The following CFAP47 variants were observed in gnomAD, a reference collection of about 807,000 sequenced individuals.
CFAP47 encodes the protein cilia and flagella associated protein 47.
In CFAP47, 29 loss-of-function variants were observed where a neutral mutation model predicts 148.1. The ratio of observed to expected loss-of-function variants is 0.20; its 90% CI spans 0.15 to 0.27. The LOEUF is 0.27. Among genes scored for constraint, CFAP47 ranks in the 10% least tolerant of loss-of-function variants. CFAP47 has a pLI of 1.00. For missense variants in CFAP47, 1,872 were observed against 1,697.5 expected, an observed-to-expected ratio of 1.10 and a Z score of -1.81; for synonymous variants, 664 against 577.3, an observed-to-expected ratio of 1.15 and a Z score of -2.15.
chrX:36,166,429 A>C (rs946686604), intron 39 of CFAP47, among the ~76,000 whole-genome samples: 4 of 110,985 alleles, frequency 3.6e-5, no homozygotes, highest in Non-Finnish European at 7.6e-5. Flanking sequence ...TCCATCTCCA[A>C]AATTTCCATT....
intron 22 of CFAP47, among the ~76,000 whole-genome samples, chrX:36,027,097 T>C (rs767301378): frequency 9.7e-6 from 1 of 102,882 alleles, no homozygotes; most frequent in East Asian, 3.1e-4. Context: ...TATATATATA[T>C]GATTATATAT....
At chrX:36,300,980 C>G in intron 52 of CFAP47, 92 bp from the exon 53 acceptor site, 1 of 473,719 alleles carries the variant, frequency 2.1e-6, no homozygotes, top group Non-Finnish European at 3.7e-6. Flanking sequence ...TTAAAACCAA[C>G]TATTTATACT....
intron 39 of CFAP47, among the ~76,000 whole-genome samples, chrX:36,162,505 T>C (rs1939443034): frequency 8.9e-6 from 1 of 111,799 alleles, no homozygotes; most frequent in Non-Finnish European, 1.9e-5. Context: ...ATGATTGACT[T>C]GGTTATTATT....
intron 25 of CFAP47, among the ~76,000 whole-genome samples, chrX:36,046,544 T>C (rs1601946575): frequency 1.8e-5 from 2 of 111,200 alleles, no homozygotes; most frequent in African/African-American, 6.5e-5. Flanking sequence ...CAGAATACAT[T>C]TAAAAACAGT....
In CFAP47 at chrX:36,367,018, C is replaced by T. The variant is rs188179973; in HGVS notation, c.9076C>T (p.Pro3026Ser). 142 of 1,153,163 alleles carry T rather than the reference C, an allele frequency of 1.2e-4. 1 individual carries two copies. The Middle Eastern group carries it at 1.4e-3, about 11-fold the overall frequency. The change falls in exon 62 of 64, where the codon CCC becomes TCC. Residue 3026 changes from proline to serine, a missense_variant. Transcript: ENST00000378653. The part of the protein sequence containing the change: ...ECVTEGIWKF[P>S]IMLIATEPDT... Reference sequence around the variant, plus strand: ...CGTAACAGAAGGGATCTGGAAGTTTCCCATAATGTTGATCGCTACTGAACC... The same window carrying T: ...CGTAACAGAAGGGATCTGGAAGTTTTCCATAATGTTGATCGCTACTGAACC...
intron 15 of CFAP47, among the ~76,000 whole-genome samples, chrX:35,984,620 T>C (rs1936690072): frequency 8.9e-6 from 1 of 111,813 alleles, no homozygotes; most frequent in African/African-American, 3.2e-5. Context: ...AATACTGTAT[T>C]AGCTGTGTCC....
chrX:36,001,569 AT>A (rs1936915287), intron 20 of CFAP47, 43 bp from the exon 21 acceptor site: 2 of 289,075 alleles, frequency 6.9e-6, no homozygotes, highest in Middle Eastern at 9.3e-4. Context: ...TTAGAAATTG[AT>A]TTTTGATTGT....
rs188921293 is a variant in CFAP47, at chrX:36,257,223, G to T, written c.7444+5779G>T. Among the ~76,000 whole-genome samples the T allele has an allele frequency of 4.5e-5, 5 of 111,226 alleles. No individual in the cohort carries two copies. The East Asian group carries it at 1.4e-3, about 32-fold the overall frequency. On this transcript the variant is annotated intron_variant, in intron 49 of 63. Coordinates refer to ENST00000378653, the MANE Select transcript of CFAP47 (RefSeq NM_001304548.2). Reference sequence around the variant, plus strand: ...AAAGAGGGGGTAGAACTCAGTAATCGAGTATCTTCCCTTTGCCCGCAGGAT... The same window carrying T: ...AAAGAGGGGGTAGAACTCAGTAATCTAGTATCTTCCCTTTGCCCGCAGGAT...
At chrX:36,118,530 C>T (rs1399258757) in intron 33 of CFAP47, among the ~76,000 whole-genome samples, 1 of 110,702 alleles carries the variant, frequency 9.0e-6, no homozygotes. Flanking sequence ...AATGCCGTGG[C>T]GTGATCTTGG....
rs200940583 is a variant in CFAP47, at chrX:36,313,660, T to TAA, written c.8344+2679_8344+2680dup. Among the ~76,000 whole-genome samples the TAA allele has an allele frequency of 2.0e-3, 223 of 110,696 alleles. 3 individuals carry two copies. In the East Asian group the frequency reaches 0.056, roughly 28 times the overall value. ...AATTTTCTTACAGATTCTACAGAAT[T>TAA]AAAAAAAAATTCTTAGGCAAGTTGA... On this transcript the variant is annotated intron_variant, in intron 56 of 63. Coordinates refer to ENST00000378653, the MANE Select transcript of CFAP47 (RefSeq NM_001304548.2).
chrX:36,179,123 A>G (rs1292609259), intron 39 of CFAP47, among the ~76,000 whole-genome samples: 1 of 112,454 alleles, frequency 8.9e-6, no homozygotes, highest in African/African-American at 3.2e-5. Flanking sequence ...CCATATAAAA[A>G]GATACTATGT....
intron 42 of CFAP47, among the ~76,000 whole-genome samples, chrX:36,195,879 T>C (rs1461478473): frequency 1.8e-5 from 2 of 111,848 alleles, no homozygotes; most frequent in African/African-American, 3.2e-5. Flanking sequence ...TAGATTTCAT[T>C]GCCACAGTGA....
intron 1 of CFAP47, among the ~76,000 whole-genome samples, chrX:35,920,918 G>T (rs1007706156): frequency 1.8e-5 from 2 of 111,852 alleles, no homozygotes; most frequent in Non-Finnish European, 3.8e-5. Context: ...TTGTATATAT[G>T]TAGAAAAACC....
chrX:36,046,913 A>G lies in CFAP47; in HGVS notation c.4067A>G (p.His1356Arg). 8.6e-7 allele frequency: 1 copy of G among 1,164,454 alleles called. No individual in the cohort carries two copies. Among genetic ancestry groups the G allele is most frequent in the South Asian group, 1.9e-5 (1 of 52,569 alleles). Residue 1356 changes from histidine (H) to arginine (R), a missense_variant, in exon 26 of 64, where the codon CAC becomes CGC. By Grantham distance (29) the His-to-Arg change is conservative (BLOSUM62 0). Coordinates refer to ENST00000378653, the MANE Select transcript of CFAP47 (RefSeq NM_001304548.2). The part of the protein sequence containing the change: ...TVRLLDGEEI[H>R]PLSVKFPKGR... ...AGGCTTCTTGATGGTGAAGAGATTC[A>G]CCCTCTTTCTGTGAAATTTCCAAAA...
rs922817619 is a variant in CFAP47, at chrX:36,037,195, G to A, written c.3811+1341G>A. ...AGAACTTCTCCTTTATGTGCCTGTC[G>A]ACATTTATACTCAGATAAAATGGAC... On this transcript the variant is annotated intron_variant, in intron 24 of 63. Coordinates refer to ENST00000378653, the MANE Select transcript of CFAP47 (RefSeq NM_001304548.2). 2.7e-5 allele frequency among the ~76,000 whole-genome samples: 3 copies of A among 111,627 alleles called. No individual in the cohort carries two copies. The Admixed American group carries it at 2.9e-4, about 11-fold the overall frequency.
At chrX:36,194,661 T>G (rs1389180685) in intron 42 of CFAP47, among the ~76,000 whole-genome samples, 1 of 111,476 alleles carries the variant, frequency 9.0e-6, no homozygotes, top group Non-Finnish European at 1.9e-5. Context: ...TTCACATGGC[T>G]GGCAGGAGAG....
chrX:35,923,922 C>CAT (rs746413856), intron 1 of CFAP47, among the ~76,000 whole-genome samples: 2 of 64,181 alleles, frequency 3.1e-5, no homozygotes, highest in East Asian at 9.8e-4. Flanking sequence ...TATATATGTA[C>CAT]ATATATATGT....
intron 2 of CFAP47, among the ~76,000 whole-genome samples, chrX:35,936,322 G>C (rs1173351658): frequency 2.7e-5 from 3 of 110,163 alleles, no homozygotes; most frequent in Non-Finnish European, 3.8e-5. Context: ...TTTTTAGTTT[G>C]GTTGTTGTAT....
intron 48 of CFAP47, among the ~76,000 whole-genome samples, chrX:36,243,372 C>T (rs1245189843): frequency 9.1e-6 from 1 of 109,574 alleles, no homozygotes; most frequent in African/African-American, 3.3e-5. Context: ...ACCCCACTTA[C>T]AAAACACAGA....
Sources: allele counts gnomAD v4.1 joint callset (sites outside exome capture counted in the v4.1 genomes callset), GRCh38; gene constraint gnomAD v4.1.1; transcripts MANE v1.5; gene names NCBI Gene and HGNC (gene_info 2026-07-23, HGNC 2026-07-21).